TM9SF2: variants seen among roughly 807,000 people sequenced by gnomAD.
TM9SF2 encodes 76 kDa membrane protein.
Under a neutral mutation model 84.9 loss-of-function variants are expected in TM9SF2, and 13 were observed. That is an observed-to-expected ratio of 0.15 (90% CI 0.10 to 0.24). TM9SF2 has a LOEUF of 0.24. Among genes scored for constraint, TM9SF2 ranks in the 10% least tolerant of loss-of-function variants. The pLI, the probability that TM9SF2 is intolerant of heterozygous loss-of-function variation, is 1.00. For synonymous variants in TM9SF2, 273 were observed against 285.8 expected (o/e 0.96, Z 0.45); for missense variants, 562 against 818.5 (o/e 0.69, Z 3.82).
chr13:99,550,601 A>G (rs2046301792), intron 12 of TM9SF2, among the ~76,000 whole-genome samples: 1 of 152,194 alleles, frequency 6.6e-6, no homozygotes, highest in African/African-American at 2.4e-5. Context: ...AGAGCGTGCT[A>G]AGAACTCAAG....
intron 15 of TM9SF2, among the ~76,000 whole-genome samples, chr13:99,557,059 A>C (rs1192732127): frequency 1.3e-5 from 2 of 152,262 alleles, no homozygotes; most frequent in African/African-American, 4.8e-5. Flanking sequence ...CTAGGAGTGG[A>C]ATCACTGGGT....
Position 99,541,495 on chromosome 13 carries a change from TAA to T in TM9SF2, c.909-61_909-60del, listed in dbSNP as rs2139098744. ...TTAATGTTACTCAATAAACAGTTTT[TAA>T]AAGAGTTTTACTGTTCCTAGGATTA... On this transcript the variant is annotated intron_variant, in intron 8 of 16. Coordinates refer to ENST00000376387, the MANE Select transcript of TM9SF2 (RefSeq NM_004800.3). 9 of 1,223,186 alleles carry T rather than the reference TAA, an allele frequency of 7.4e-6. No homozygotes were observed. In the East Asian group the frequency reaches 2.1e-4, roughly 29 times the overall value. The allele number at this position is 1,223,186 out of a possible 1,614,324, so 75.8% of individuals were successfully genotyped here.
At chr13:99,541,863 T>C (rs375599867) in intron 9 of TM9SF2, 196 bp downstream of exon 9, 2 of 404,040 alleles carry the variant, frequency 5.0e-6, no homozygotes, top group Non-Finnish European at 8.9e-6. Context: ...AGAATTAATA[T>C]TCTTGGCTGG....
rs75145895 is a variant in TM9SF2 at position 99,502,912 on chromosome 13, A to G, written c.171+1135A>G. ...ATTAGATAAGCTTTAAATTTTTCAT[A>G]ACATTTTGCAGTTTCTTTTTAGGTT... On this transcript the variant is annotated intron_variant, in intron 1 of 16. Transcript: ENST00000376387. Among the ~76,000 whole-genome samples, 780 of 152,332 alleles carry G rather than the reference A, an allele frequency of 5.1e-3. 12 individuals are homozygous for G. Among genetic ancestry groups the G allele is most frequent in the African/African-American group, 0.018 (738 of 41,562 alleles).
chr13:99,550,074 G>T (rs1342049597), intron 12 of TM9SF2, among the ~76,000 whole-genome samples: 1 of 152,144 alleles, frequency 6.6e-6, no homozygotes, highest in Non-Finnish European at 1.5e-5. Flanking sequence ...CCAAGACTGT[G>T]ATTTCCTGCA....
At chr13:99,527,304 T>A (rs1281121999) in intron 3 of TM9SF2, among the ~76,000 whole-genome samples, 1 of 152,124 alleles carries the variant, frequency 6.6e-6, no homozygotes. Flanking sequence ...GGGTAACTTA[T>A]AAAGAAAAGT....
At chr13:99,550,917 T>C (rs2046303490) in intron 12 of TM9SF2, among the ~76,000 whole-genome samples, 1 of 152,168 alleles carries the variant, frequency 6.6e-6, no homozygotes, top group African/African-American at 2.4e-5. Context: ...CTGTTCACAG[T>C]AAAGGAGGAA....
intron 1 of TM9SF2, among the ~76,000 whole-genome samples, chr13:99,511,881 C>CT (rs2046115020): frequency 6.6e-6 from 1 of 152,180 alleles, no homozygotes; most frequent in Non-Finnish European, 1.5e-5. Flanking sequence ...AGTTTACCTA[C>CT]TTTGTTTCTG....
rs187134047 is a variant in TM9SF2, at chr13:99,546,352, T to C, written c.1151-633T>C. Among the ~76,000 whole-genome samples the C allele has an allele frequency of 2.1e-3, 323 of 152,312 alleles. 1 individual carries two copies. The highest frequency in any genetic ancestry group is 7.4e-3 in the African/African-American group (306 of 41,568). ...GCTGGGAATTTCTATGAATATAATATAGCATTTTAATTCTCATTAGTAGGA... is the reference window on the plus strand; with the variant it reads ...GCTGGGAATTTCTATGAATATAATACAGCATTTTAATTCTCATTAGTAGGA... On this transcript the variant is annotated intron_variant, in intron 10 of 16. Transcript: ENST00000376387.
chr13:99,532,537 A>G (rs150441681), intron 4 of TM9SF2, among the ~76,000 whole-genome samples: 3,316 of 152,136 alleles, frequency 0.022, 59 homozygotes, highest in Non-Finnish European at 0.035. Context: ...TAAAAATACA[A>G]AAATTAGCCA....
chr13:99,509,720 G>A (rs1295485055), intron 1 of TM9SF2, among the ~76,000 whole-genome samples: 10 of 152,214 alleles, frequency 6.6e-5, no homozygotes. Context: ...AGGGGCTGCT[G>A]CAAAGGTCTC....
intron 11 of TM9SF2, among the ~76,000 whole-genome samples, chr13:99,547,623 A>G (rs1159918669): frequency 6.6e-6 from 1 of 152,336 alleles, no homozygotes; most frequent in African/African-American, 2.4e-5. Flanking sequence ...TTGTAATATC[A>G]TTAGTCACAA....
At chr13:99,539,084 C>A (rs968450447) in intron 6 of TM9SF2, among the ~76,000 whole-genome samples, 16 of 151,248 alleles carry the variant, frequency 1.1e-4, no homozygotes, top group Non-Finnish European at 2.2e-4. Context: ...GTGGCACACA[C>A]CTGTAGTCCC....
In TM9SF2 at chr13:99,559,370, A is replaced by G; in HGVS notation, c.1760A>G (p.His587Arg). 3 of 1,591,848 alleles carry G rather than the reference A, an allele frequency of 1.9e-6. No homozygotes were observed. Among genetic ancestry groups the G allele is most frequent in the Non-Finnish European group, 2.6e-6 (3 of 1,171,304 alleles). Residue 587 changes from histidine to arginine, a missense_variant, in exon 16 of 17, where the codon CAT (histidine) becomes CGT (arginine). By Grantham distance (29) the His-to-Arg change is conservative. This residue lies in a region of TM9SF2 where 63 missense variants were observed against 109.2 expected (regional missense o/e 0.58). Transcript: ENST00000376387. ...TTTTTCTTTACTACCTAGGATTATC[A>G]TTGGCAATGGCGTTCATTCCTTACG... ...CYFHLCAEDY[H>R]WQWRSFLTSG...
At chr13:99,536,485 T>G in intron 4 of TM9SF2, 123 bp from the exon 5 acceptor site, 1 of 1,184,366 alleles carries the variant, frequency 8.4e-7, no homozygotes, top group Non-Finnish European at 1.2e-6. Context: ...TTCTTTGTGG[T>G]TTTTGTAATC....
Position 99,551,589 on chromosome 13 carries a change from G to A in TM9SF2, c.1329-578G>A, listed in dbSNP as rs1401841151. ...GGTTGCGCTTAAAAACTGTGTGGGG[G>A]AAGTACAGTGATTATTGTATGATTA... On this transcript the variant is annotated intron_variant, in intron 12 of 16. Coordinates refer to ENST00000376387, the MANE Select transcript of TM9SF2 (RefSeq NM_004800.3). 2.0e-5 allele frequency among the ~76,000 whole-genome samples: 3 copies of A among 152,176 alleles called. No homozygotes were observed. The East Asian group carries it at 5.8e-4, about 29-fold the overall frequency.
chr13:99,526,565 C>T (rs1049404502), intron 3 of TM9SF2, among the ~76,000 whole-genome samples: 9 of 152,028 alleles, frequency 5.9e-5, no homozygotes, highest in African/African-American at 1.7e-4. Context: ...GTTGGAACAA[C>T]GGGAGGAGGT....
At chr13:99,559,105 A>G (rs568000151) in intron 15 of TM9SF2, among the ~76,000 whole-genome samples, 1 of 152,328 alleles carries the variant, frequency 6.6e-6, no homozygotes, top group African/African-American at 2.4e-5. Context: ...ATGTTTTATT[A>G]TTCATAAACA....
At chr13:99,533,820 G>A (rs554316721) in intron 4 of TM9SF2, among the ~76,000 whole-genome samples, 4 of 152,064 alleles carry the variant, frequency 2.6e-5, no homozygotes, top group South Asian at 2.1e-4. Flanking sequence ...GCAGGTGCCC[G>A]CCACCACGCC....
Sources: allele counts gnomAD v4.1 joint callset (sites outside exome capture counted in the v4.1 genomes callset), GRCh38; gene constraint gnomAD v4.1.1; regional missense constraint gnomAD v4.1.1; transcripts MANE v1.5; gene names NCBI Gene and HGNC (gene_info 2026-07-23, HGNC 2026-07-21).